Variants in MAN2B2 observed in about 807,000 individuals in gnomAD.
The protein encoded by MAN2B2 is epididymis-specific alpha-mannosidase.
In MAN2B2, 106 loss-of-function variants were observed where a neutral mutation model predicts 117.1. The ratio of observed to expected loss-of-function variants is 0.90; its 90% CI spans 0.77 to 1.06. The LOEUF is 1.06. MAN2B2 is among the 50% of genes least tolerant of loss of function. The pLI, the probability that MAN2B2 is intolerant of heterozygous loss-of-function variation, is 0.00. For missense variants in MAN2B2, 1,326 were observed against 1,381.4 expected (o/e 0.96, Z 0.64); for synonymous variants, 544 against 595.1 (o/e 0.91, Z 1.25).
rs374489307 is a variant in MAN2B2 at position 6,605,291 on chromosome 4, C to A, written c.1776C>A (p.Leu592=). 3.7e-6 allele frequency: 6 copies of A among 1,613,558 alleles called. No homozygotes were observed. In the East Asian group the frequency reaches 6.7e-5, roughly 18 times the overall value. Reference sequence around the variant, plus strand: ...CAAACGACTGCTACATTGTGCTGCTCGACCAGGATACCAACCTGATGCACA... The same window carrying A: ...CAAACGACTGCTACATTGTGCTGCTAGACCAGGATACCAACCTGATGCACA... The part of the protein sequence containing the change: ...PVANDCYIVL[L]DQDTNLMHSI... Residue 592 remains leucine, a synonymous_variant, in exon 11 of 19, where the codon CTC becomes CTA. Transcript: ENST00000285599.
chr4:6,579,416 T>TCAC (rs1331166913), intron 3 of MAN2B2, among the ~76,000 whole-genome samples: 1 of 63,124 alleles, frequency 1.6e-5, no homozygotes. Flanking sequence ...ACCATCACCA[T>TCAC]CACCACCACC....
chr4:6,607,079 G>A (rs567059964), intron 11 of MAN2B2, among the ~76,000 whole-genome samples: 20 of 152,296 alleles, frequency 1.3e-4, no homozygotes, highest in African/African-American at 4.8e-4. Context: ...ATGCTGTTGA[G>A]CAATCACTCC....
chr4:6,582,267 C>T (rs747752505), intron 3 of MAN2B2, among the ~76,000 whole-genome samples: 2 of 152,192 alleles, frequency 1.3e-5, no homozygotes, highest in Non-Finnish European at 2.9e-5. Context: ...TCCTGTGTCA[C>T]AGACTCTCTT....
At position 6,611,185 on chromosome 4, in the gene MAN2B2, C is replaced by T. The variant is rs758574727; in HGVS notation, c.2470C>T (p.Leu824=). 6.2e-7 allele frequency: 1 copy of T among 1,613,880 alleles called. No individual in the cohort carries two copies. Among genetic ancestry groups the T allele is most frequent in the South Asian group, 1.1e-5 (1 of 91,092 alleles). The part of the protein sequence containing the change: ...TSVVHPVLWL[L]LGSWSLTTAL... ...AGTCGTCCACCCAGTGCTCTGGCTT[C>T]TGCTGGGATCCTGGTCCCTCACCAC... is the stretch of plus-strand genomic sequence containing the variant. The change falls in exon 15 of 19, where the codon CTG becomes TTG. Residue 824 remains leucine (L), a synonymous_variant. Transcript: ENST00000285599.
chr4:6,586,242 G>A (rs1726629578), intron 3 of MAN2B2, among the ~76,000 whole-genome samples: 1 of 151,974 alleles, frequency 6.6e-6, no homozygotes, highest in East Asian at 1.9e-4. Flanking sequence ...GTGTGCATGT[G>A]TAGAGATGGG....
chr4:6,595,126 A>G (rs1481478507), intron 7 of MAN2B2, among the ~76,000 whole-genome samples: 1 of 152,184 alleles, frequency 6.6e-6, no homozygotes, highest in Non-Finnish European at 1.5e-5. Flanking sequence ...TTCACTGCAC[A>G]GTCATTACTG....
intron 17 of MAN2B2, chr4:6,618,590 T>C (rs1044922006): frequency 6.6e-6 from 1 of 152,402 alleles, no homozygotes; most frequent in Non-Finnish European, 1.5e-5. Flanking sequence ...GGTTCCCCTC[T>C]TGGCTGATGT....
At chr4:6,614,162 C>CAGG (rs1560663949) in intron 15 of MAN2B2, 56 bp from the exon 16 acceptor site, 1 of 1,588,900 alleles carries the variant, frequency 6.3e-7, no homozygotes, top group African/African-American at 1.3e-5. Context: ...CTCTGAGTGC[C>CAGG]AGGAGGAGGA....
At chr4:6,599,614 G>A (rs1380523539) in intron 9 of MAN2B2, among the ~76,000 whole-genome samples, 2 of 146,462 alleles carry the variant, frequency 1.4e-5, no homozygotes, top group African/African-American at 5.1e-5. Context: ...AGTGAGCCGA[G>A]ATCGCACCAC....
chr4:6,594,527 C>G lies in MAN2B2; in HGVS notation c.859-7C>G, dbSNP rs779750189. 9.9e-6 allele frequency: 16 copies of G among 1,611,934 alleles called. No homozygotes were observed. Among genetic ancestry groups the G allele is most frequent in the Non-Finnish European group, 1.3e-5 (15 of 1,179,976 alleles). On this transcript the variant is annotated splice_polypyrimidine_tract_variant and splice_region_variant and intron_variant, in intron 6 of 18. Coordinates refer to ENST00000285599, the MANE Select transcript of MAN2B2 (RefSeq NM_015274.3). ...CGGCACAGGATGTTGCTCCCATGTCCCTGCAGGGATGTGACAAGCAGTTCT... is the reference window on the plus strand; with the variant it reads ...CGGCACAGGATGTTGCTCCCATGTCGCTGCAGGGATGTGACAAGCAGTTCT...
intron 16 of MAN2B2, among the ~76,000 whole-genome samples, chr4:6,615,754 C>G (rs1305697175): frequency 6.6e-6 from 1 of 152,026 alleles, no homozygotes; most frequent in Non-Finnish European, 1.5e-5. Flanking sequence ...GAGCTGTAAT[C>G]ATGCTACAGC....
intron 18 of MAN2B2, chr4:6,620,759 C>A: frequency 5.9e-6 from 1 of 168,536 alleles, no homozygotes; most frequent in Non-Finnish European, 1.3e-5. Flanking sequence ...TGGACGGCTC[C>A]CTCCCAAGAT....
rs1177478414 is a variant in MAN2B2 at position 6,614,336 on chromosome 4, C to T, written c.2682C>T (p.His894=). Residue 894 remains histidine, a synonymous_variant, in exon 16 of 19, where the codon CAC becomes CAT. Coordinates refer to ENST00000285599, the MANE Select transcript of MAN2B2 (RefSeq NM_015274.3). The part of the protein sequence containing the change: ...GWRYSSNHTE[H]SQNLRKGHRG... ...GCTACAGCTCCAACCACACGGAGCA[C>T]TCTCAGAATCTCCGGAAAGGTGAGG... 2 of 1,614,024 alleles carry T rather than the reference C, an allele frequency of 1.2e-6. No individual in the cohort carries two copies. Among genetic ancestry groups the T allele is most frequent in the Non-Finnish European group, 1.7e-6 (2 of 1,179,956 alleles).
intron 13 of MAN2B2, 84 bp from the exon 14 acceptor site, chr4:6,610,785 CTATGGGGAGCA>C: frequency 9.8e-7 from 1 of 1,021,098 alleles, no homozygotes; most frequent in South Asian, 1.3e-5. Flanking sequence ...GCTGCTGTGC[CTATGGGGAGCA>C]CCAGCTGGGG....
In MAN2B2 at chr4:6,593,229, T is replaced by C; in HGVS notation, c.737T>C (p.Val246Ala). 6.2e-7 allele frequency: 1 copy of C among 1,613,740 alleles called. No homozygotes were observed. Reference sequence around the variant, plus strand: ...TTCCCCAAGCCTCCCCAAGATGGGGTGTACCCCAACATGAGTGAGCCTGTC... The same window carrying C: ...TTCCCCAAGCCTCCCCAAGATGGGGCGTACCCCAACATGAGTGAGCCTGTC... ...AVFPKPPQDGVYPNMSEPVTP... is the reference protein window; with the variant it reads ...AVFPKPPQDGAYPNMSEPVTP... Residue 246 changes from valine to alanine, a missense_variant, in exon 6 of 19, where the codon GTG (valine) becomes GCG (alanine). Coordinates refer to ENST00000285599, the MANE Select transcript of MAN2B2 (RefSeq NM_015274.3).
intron 10 of MAN2B2, 70 bp from the exon 11 acceptor site, chr4:6,604,985 G>T: frequency 6.6e-7 from 1 of 1,523,820 alleles, no homozygotes; most frequent in Non-Finnish European, 8.9e-7. Flanking sequence ...GCCTCAGCAA[G>T]TAGTGAGCAC....
chr4:6,597,222 C>T lies in MAN2B2; in HGVS notation c.1167C>T (p.Tyr389=). 1 of 1,608,472 alleles carries T rather than the reference C, an allele frequency of 6.2e-7. No individual in the cohort carries two copies. Among genetic ancestry groups the T allele is most frequent in the Non-Finnish European group, 8.5e-7 (1 of 1,177,212 alleles). The change falls in exon 8 of 19, where the codon TAC becomes TAT. Residue 389 remains tyrosine, a synonymous_variant. Transcript: ENST00000285599. ...LYAGESMFTR[Y]LWPAPRGHLD... is the part of the protein sequence containing the mutation. ...CCGGGGAGTCCATGTTCACACGCTACCTGTGGCCGGCCCCCCGTGGGCATC... is the reference window on the plus strand; with the variant it reads ...CCGGGGAGTCCATGTTCACACGCTATCTGTGGCCGGCCCCCCGTGGGCATC...
chr4:6,584,005 G>A (rs1726540714), intron 3 of MAN2B2, among the ~76,000 whole-genome samples: 1 of 152,162 alleles, frequency 6.6e-6, no homozygotes, highest in Non-Finnish European at 1.5e-5. Flanking sequence ...GCACCTGCTC[G>A]GGAAGTCACG....
chr4:6,577,412 A>G (rs7662336), intron 2 of MAN2B2, among the ~76,000 whole-genome samples: 1,934 of 152,310 alleles, frequency 0.013, 44 homozygotes, highest in African/African-American at 0.044. Flanking sequence ...GTTGCTGAAC[A>G]TAAAGTTCAG....
Sources: gnomAD v4.1 joint callset for allele counts (sites outside exome capture counted in the v4.1 genomes callset) on GRCh38, gnomAD v4.1.1 for gene constraint, MANE v1.5 for transcripts, NCBI Gene and HGNC (gene_info 2026-07-23, HGNC 2026-07-21) for gene names.